PRKACB: variants seen among roughly 807,000 people sequenced by gnomAD.
The protein encoded by PRKACB is cAMP-dependent protein kinase catalytic subunit beta.
In PRKACB, 16 loss-of-function variants were observed where a neutral mutation model predicts 51.4. That is an observed-to-expected ratio of 0.31 (90% CI 0.21 to 0.47). PRKACB has a LOEUF of 0.47. PRKACB is among the 20% of genes least tolerant of loss of function. The pLI is 1.00. For missense variants in PRKACB, 309 were observed against 464.5 expected, an observed-to-expected ratio of 0.67 and a Z score of 3.08; for synonymous variants, 147 against 154.4, an observed-to-expected ratio of 0.95 and a Z score of 0.35.
At chr1:84,151,660 A>G (rs1355859136) in intron 1 of PRKACB, among the ~76,000 whole-genome samples, 19 of 152,210 alleles carry the variant, frequency 1.2e-4, no homozygotes, top group Non-Finnish European at 2.9e-5. Flanking sequence ...TTCACCAGAA[A>G]TAGATTCCAT....
At chr1:84,192,981 T>A (rs906811187) in intron 5 of PRKACB, among the ~76,000 whole-genome samples, 1 of 152,130 alleles carries the variant, frequency 6.6e-6, no homozygotes, top group African/African-American at 2.4e-5. Context: ...AAATAAAGTA[T>A]GTCCTTACCA....
chr1:84,134,120 T>TC (rs1262791214), intron 1 of PRKACB, among the ~76,000 whole-genome samples: 2 of 152,160 alleles, frequency 1.3e-5, no homozygotes, highest in Non-Finnish European at 2.9e-5. Context: ...GTCAAGCCAT[T>TC]CCTCTGAAGT....
intron 7 of PRKACB, among the ~76,000 whole-genome samples, chr1:84,198,131 A>G (rs1668714429): frequency 6.6e-6 from 1 of 152,136 alleles, no homozygotes; most frequent in South Asian, 2.1e-4. Context: ...AGGGTAGAGA[A>G]GACTTGCTCT....
At chr1:84,121,236 A>T (rs577305361) in intron 1 of PRKACB, among the ~76,000 whole-genome samples, 76 of 152,022 alleles carry the variant, frequency 5.0e-4, no homozygotes, top group African/African-American at 1.7e-3. Context: ...TCACTTTTCT[A>T]TATAGGAACA....
intron 1 of PRKACB, among the ~76,000 whole-genome samples, chr1:84,101,946 A>G (rs1479618545): frequency 1.3e-5 from 2 of 152,180 alleles, no homozygotes; most frequent in African/African-American, 4.8e-5. Flanking sequence ...TATTTTTATG[A>G]TAATTATTTA....
intron 9 of PRKACB, among the ~76,000 whole-genome samples, chr1:84,222,136 TC>T (rs1673828945): frequency 6.6e-6 from 1 of 152,136 alleles, no homozygotes; most frequent in Non-Finnish European, 1.5e-5. Flanking sequence ...ATCCGTTATA[TC>T]CTTTTGCTGA....
At chr1:84,171,076 A>G (rs1336178109) in intron 1 of PRKACB, among the ~76,000 whole-genome samples, 1 of 151,632 alleles carries the variant, frequency 6.6e-6, no homozygotes, top group Admixed American at 6.6e-5. Context: ...AATCACACAA[A>G]TGTATACATT....
chr1:84,094,387 A>T (rs1218646870), intron 1 of PRKACB, among the ~76,000 whole-genome samples: 3 of 151,990 alleles, frequency 2.0e-5, no homozygotes, highest in Non-Finnish European at 4.4e-5. Flanking sequence ...TGGTTGCAAT[A>T]TATTGTCCAT....
chr1:84,214,003 T>A, intron 8 of PRKACB, 150 bp from the exon 9 acceptor site: 1 of 718,660 alleles, frequency 1.4e-6, no homozygotes, highest in Non-Finnish European at 2.1e-6. Context: ...GTGGGGACTG[T>A]AACATGTAGT....
chr1:84,088,261 T>C (rs1648176539), intron 1 of PRKACB, among the ~76,000 whole-genome samples: 1 of 152,222 alleles, frequency 6.6e-6, no homozygotes, highest in Non-Finnish European at 1.5e-5. Flanking sequence ...TCTATTCATA[T>C]GTTAACTTTT....
intron 9 of PRKACB, among the ~76,000 whole-genome samples, chr1:84,229,092 C>G (rs1221426375): frequency 7.6e-6 from 1 of 131,284 alleles, no homozygotes; most frequent in Non-Finnish European, 1.6e-5. Context: ...TCCCCCCACC[C>G]CGTAACAGTC....
At chr1:84,189,862 A>G (rs1363198720) in intron 5 of PRKACB, among the ~76,000 whole-genome samples, 1 of 152,000 alleles carries the variant, frequency 6.6e-6, no homozygotes, top group African/African-American at 2.4e-5. Flanking sequence ...TATAGAGAGC[A>G]AGATTCTGGT....
chr1:84,179,943 CT>C (rs1485249945), intron 2 of PRKACB, among the ~76,000 whole-genome samples: 1 of 149,680 alleles, frequency 6.7e-6, no homozygotes, highest in African/African-American at 2.5e-5. Context: ...TATCCCTCCC[CT>C]AGCCCCCCAC....
At chr1:84,164,518 AT>A in intron 1 of PRKACB, 1 of 1,485,430 alleles carries the variant, frequency 6.7e-7, no homozygotes, top group Non-Finnish European at 9.1e-7. Context: ...GTAATTTATA[AT>A]CATGTGGCTC....
intron 1 of PRKACB, among the ~76,000 whole-genome samples, chr1:84,101,973 T>A (rs2100811230): frequency 6.6e-6 from 1 of 152,274 alleles, no homozygotes; most frequent in Non-Finnish European, 1.5e-5. Flanking sequence ...TCTCATGACT[T>A]AAAAATTTTC....
At chr1:84,162,899 T>C (rs1656398844) in intron 1 of PRKACB, among the ~76,000 whole-genome samples, 1 of 152,084 alleles carries the variant, frequency 6.6e-6, no homozygotes, top group Non-Finnish European at 1.5e-5. Context: ...GTAGTAGCTC[T>C]GGGTTTTGAT....
At chr1:84,112,459 A>G (rs1650317471) in intron 1 of PRKACB, among the ~76,000 whole-genome samples, 1 of 151,636 alleles carries the variant, frequency 6.6e-6, no homozygotes, top group Admixed American at 6.6e-5. Context: ...CTGGTCTCGA[A>G]CTCCTGACCA....
chr1:84,125,876 T>G (rs1651540618), intron 1 of PRKACB, among the ~76,000 whole-genome samples: 1 of 152,184 alleles, frequency 6.6e-6, no homozygotes, highest in African/African-American at 2.4e-5. Context: ...ACAACACCCC[T>G]CCAGCCCCTT....
At chr1:84,093,699 C>A (rs1648702411) in intron 1 of PRKACB, among the ~76,000 whole-genome samples, 1 of 151,902 alleles carries the variant, frequency 6.6e-6, no homozygotes, top group South Asian at 2.1e-4. Context: ...GAATTTTCAT[C>A]TTTATGATAT....
Sources: allele counts gnomAD v4.1 joint callset (sites outside exome capture counted in the v4.1 genomes callset), GRCh38; gene constraint gnomAD v4.1.1; transcripts MANE v1.5; gene names NCBI Gene and HGNC (gene_info 2026-07-23, HGNC 2026-07-21).